The following NELL2 variants were observed in gnomAD, a reference collection of about 807,000 sequenced individuals.
NELL2 encodes the protein neural EGFL like 2.
NELL2 carries 41 observed loss-of-function variants against 109.6 expected under a neutral mutation model. The observed-to-expected ratio is 0.37, with a 90% confidence interval of 0.29 to 0.49. NELL2 has a LOEUF of 0.49. Ranked by LOEUF, NELL2 falls within the 20% of genes least tolerant of loss-of-function variation. NELL2 has a pLI of 0.98. For missense variants in NELL2, 900 were observed against 1,008.3 expected (o/e 0.89, Z 1.45); for synonymous variants, 355 against 344.7 (o/e 1.03, Z -0.33).
intron 15 of NELL2, among the ~76,000 whole-genome samples, chr12:44,557,414 G>C (rs940838316): frequency 6.6e-6 from 1 of 152,154 alleles, no homozygotes; most frequent in Admixed American, 6.5e-5. Context: ...TAAAGTTGAA[G>C]GGGAGATGGT....
intron 3 of NELL2, among the ~76,000 whole-genome samples, chr12:44,802,799 T>G (rs865871225): frequency 3.0e-4 from 45 of 152,214 alleles, no homozygotes; most frequent in African/African-American, 9.9e-4. Context: ...AAAACAAGTG[T>G]CAATTTTCAA....
At chr12:44,671,969 C>A (rs1254182360) in intron 12 of NELL2, among the ~76,000 whole-genome samples, 1 of 152,150 alleles carries the variant, frequency 6.6e-6, no homozygotes, top group Non-Finnish European at 1.5e-5. Context: ...AGAAACAATT[C>A]AGTGAAAACA....
intron 15 of NELL2, among the ~76,000 whole-genome samples, chr12:44,581,754 G>A (rs1944330938): frequency 6.6e-6 from 1 of 152,050 alleles, no homozygotes; most frequent in Admixed American, 6.6e-5. Flanking sequence ...AAAATCAATT[G>A]AAAGCTATTA....
intron 12 of NELL2, among the ~76,000 whole-genome samples, chr12:44,701,045 AT>A (rs1301304825): frequency 1.3e-5 from 2 of 152,144 alleles, no homozygotes; most frequent in Non-Finnish European, 2.9e-5. Context: ...TTTATGTATA[AT>A]CACAAGTGTA....
chr12:44,913,183 A>C (rs1376311020), intron 1 of NELL2, among the ~76,000 whole-genome samples: 1 of 152,180 alleles, frequency 6.6e-6, no homozygotes, highest in African/African-American at 2.4e-5. Context: ...TAGCCTGTTT[A>C]GATATAGGTG....
intron 2 of NELL2, among the ~76,000 whole-genome samples, chr12:44,844,015 C>G (rs1944301812): frequency 6.6e-6 from 1 of 152,096 alleles, no homozygotes; most frequent in Non-Finnish European, 1.5e-5. Flanking sequence ...GAGTGAGACC[C>G]TGTCTCAAAA....
At chr12:44,598,401 C>T (rs1444829091) in intron 15 of NELL2, among the ~76,000 whole-genome samples, 1 of 152,100 alleles carries the variant, frequency 6.6e-6, no homozygotes, top group Non-Finnish European at 1.5e-5. Context: ...CCCCCAGCTC[C>T]ATTCCTAGTA....
intron 3 of NELL2, among the ~76,000 whole-genome samples, chr12:44,782,805 C>T (rs1439295479): frequency 6.6e-6 from 1 of 151,888 alleles, no homozygotes; most frequent in Non-Finnish European, 1.5e-5. Context: ...CAGTTGCAGA[C>T]GTCAACACCC....
At chr12:44,904,364 T>A (rs1245798823) in intron 1 of NELL2, among the ~76,000 whole-genome samples, 1 of 152,174 alleles carries the variant, frequency 6.6e-6, no homozygotes, top group Non-Finnish European at 1.5e-5. Flanking sequence ...ACCCTTCAAC[T>A]AACTTATAGC....
chr12:44,769,457 G>T (rs983457184), intron 9 of NELL2, among the ~76,000 whole-genome samples: 1 of 152,046 alleles, frequency 6.6e-6, no homozygotes, highest in Non-Finnish European at 1.5e-5. Context: ...GACTAAAAAT[G>T]CCAAGTGTGG....
chr12:44,519,156 G>A (rs1941409384), intron 19 of NELL2, among the ~76,000 whole-genome samples: 1 of 152,182 alleles, frequency 6.6e-6, no homozygotes, highest in East Asian at 1.9e-4. Flanking sequence ...AGCAGTTACA[G>A]ATATCTGGCT....
chr12:44,762,794 T>C (rs1471909429), intron 9 of NELL2, among the ~76,000 whole-genome samples: 1 of 152,236 alleles, frequency 6.6e-6, no homozygotes, highest in Admixed American at 6.5e-5. Flanking sequence ...ATCTCCCTGA[T>C]GGTAGAATTT....
chr12:44,740,502 T>C (rs559401681), intron 9 of NELL2, among the ~76,000 whole-genome samples: 2 of 152,304 alleles, frequency 1.3e-5, no homozygotes, highest in South Asian at 4.1e-4. Context: ...TGCTGTAACT[T>C]GGAGCCAAAG....
In NELL2 at chr12:44,553,077, C is replaced by T. The variant is rs140415124; in HGVS notation, c.1664-20356G>A. Among the ~76,000 whole-genome samples the T allele has an allele frequency of 4.7e-3, 607 of 128,374 alleles. 5 individuals carry two copies. Among genetic ancestry groups the T allele is most frequent in the African/African-American group, 0.017 (573 of 32,908 alleles). 84.2% of individuals were successfully genotyped at this position (128,374 alleles called of 152,430 possible). On this transcript the variant is annotated intron_variant, in intron 15 of 19. Coordinates refer to ENST00000429094, the MANE Select transcript of NELL2 (RefSeq NM_001145108.2). ...AGGTGGGAATTGAACAATGAGATCACATGGACACAGGAAGGGGAATATCAC... is the reference window on the plus strand; with the variant it reads ...AGGTGGGAATTGAACAATGAGATCATATGGACACAGGAAGGGGAATATCAC...
intron 3 of NELL2, among the ~76,000 whole-genome samples, chr12:44,796,322 G>T (rs1368022629): frequency 6.6e-6 from 1 of 151,984 alleles, no homozygotes; most frequent in East Asian, 1.9e-4. Context: ...GTTTTAACAA[G>T]AATCTACTGA....
rs559708609 is a variant in NELL2 at position 44,641,559 on chromosome 12, GA to G, written c.1444+23924del. Among the ~76,000 whole-genome samples the G allele has an allele frequency of 1.6e-3, 242 of 151,298 alleles. 1 individual carries two copies. Among genetic ancestry groups the G allele is most frequent in the African/African-American group, 5.7e-3 (234 of 41,282 alleles). ...AAATAAACTGTAATGAAGAATAAAAGAAAAAAACCCCATAAATATGAGTAAG... is the reference window on the plus strand; with the variant it reads ...AAATAAACTGTAATGAAGAATAAAAGAAAAAACCCCATAAATATGAGTAAG... On this transcript the variant is annotated intron_variant, in intron 13 of 19. Transcript: ENST00000429094.
At chr12:44,871,620 T>C (rs1325450691) in intron 2 of NELL2, among the ~76,000 whole-genome samples, 10 of 152,160 alleles carry the variant, frequency 6.6e-5, no homozygotes. Flanking sequence ...AGCCATCACT[T>C]CAAAGTCCAC....
intron 1 of NELL2, 129 bp downstream of exon 1, chr12:44,875,686 C>CCCCT: frequency 6.3e-7 from 1 of 1,592,166 alleles, no homozygotes. Flanking sequence ...CCAAACCCGC[C>CCCCT]CCCTTACTCC....
rs945425601 is a variant in NELL2 at position 44,781,647 on chromosome 12, TAGAC to T, written c.336-1629_336-1626del. Among the ~76,000 whole-genome samples, 16 of 152,144 alleles carry T rather than the reference TAGAC, an allele frequency of 1.1e-4. No individual in the cohort carries two copies. In the East Asian group the frequency reaches 1.4e-3, roughly 13 times the overall value. Reference sequence around the variant, plus strand: ...TAAAAACAAAGAAAAAATTTGAAAGTAGACAGAGAAAATCTTGCACATTAAGTAC... The same window carrying T: ...TAAAAACAAAGAAAAAATTTGAAAGTAGAGAAAATCTTGCACATTAAGTAC... On this transcript the variant is annotated intron_variant, in intron 3 of 19. Transcript: ENST00000429094.
Sources: allele counts gnomAD v4.1 joint callset (sites outside exome capture counted in the v4.1 genomes callset), GRCh38; gene constraint gnomAD v4.1.1; transcripts MANE v1.5; gene names NCBI Gene and HGNC (gene_info 2026-07-23, HGNC 2026-07-21).